SCHIP1: variants seen among roughly 807,000 people sequenced by gnomAD.
SCHIP1 encodes the protein schwannomin interacting protein 1, also known as schwannomin-interacting protein 1.
SCHIP1 carries 8 observed loss-of-function variants against 29.7 expected under a neutral mutation model. That is an observed-to-expected ratio of 0.27 (90% CI 0.16 to 0.49). The LOEUF (loss-of-function observed/expected upper bound fraction) is 0.49. Among genes scored for constraint, SCHIP1 ranks in the 20% least tolerant of loss-of-function variants. The probability of loss-of-function intolerance (pLI) is 0.99; values close to 1 mark genes in which losing one functional copy is unlikely to be tolerated. For missense variants in SCHIP1, 193 were observed against 294.6 expected, an observed-to-expected ratio of 0.66 and a Z score of 2.52; for synonymous variants, 76 against 94.9, an observed-to-expected ratio of 0.80 and a Z score of 1.16.
the SCHIP1 span, among the ~76,000 whole-genome samples, chr3:159,553,419 G>C: frequency 6.7e-6 from 1 of 149,578 alleles, no homozygotes; most frequent in African/African-American, 2.5e-5. Flanking sequence ...GCCAAGAACA[G>C]ATGTTATTGT....
chr3:159,471,403 C>A, the SCHIP1 span, among the ~76,000 whole-genome samples: 5 of 152,070 alleles, frequency 3.3e-5, no homozygotes, highest in African/African-American at 1.2e-4. Flanking sequence ...AGAATACTAA[C>A]TAATGAACAG....
At chr3:159,447,460 G>A in the SCHIP1 span, among the ~76,000 whole-genome samples, 7 of 152,150 alleles carry the variant, frequency 4.6e-5, no homozygotes, top group Non-Finnish European at 8.8e-5. Flanking sequence ...AAAAATACAC[G>A]AGAGTCTGGG....
the SCHIP1 span, among the ~76,000 whole-genome samples, chr3:159,680,783 A>T: frequency 7.8e-6 from 1 of 127,498 alleles, no homozygotes; most frequent in Non-Finnish European, 1.6e-5. Context: ...AAAGTTATTT[A>T]TTACAATAGT....
At chr3:159,400,689 T>C in the SCHIP1 span, among the ~76,000 whole-genome samples, 1 of 152,230 alleles carries the variant, frequency 6.6e-6, no homozygotes, top group African/African-American at 2.4e-5. Context: ...AGCCTCTGAA[T>C]AATTTGGAGT....
At chr3:159,887,378 T>C (rs1299110038) in intron 3 of SCHIP1, 4 of 261,408 alleles carry the variant, frequency 1.5e-5, no homozygotes, top group Non-Finnish European at 3.0e-5. Flanking sequence ...GCAAAGAACC[T>C]ACGTAGGGCC....
the SCHIP1 span, among the ~76,000 whole-genome samples, chr3:159,295,253 T>TA: frequency 0.61 from 40,937 of 66,662 alleles, 14,667 homozygotes; most frequent in Non-Finnish European, 0.75. Flanking sequence ...CTATCTCTAC[T>TA]AAAAAAAAAA....
At chr3:159,436,825 C>T in the SCHIP1 span, among the ~76,000 whole-genome samples, 1 of 152,016 alleles carries the variant, frequency 6.6e-6, no homozygotes, top group Non-Finnish European at 1.5e-5. Context: ...GTCAGTTTGC[C>T]TCCTGGTCTG....
At chr3:159,487,605 C>G in the SCHIP1 span, among the ~76,000 whole-genome samples, 1 of 152,002 alleles carries the variant, frequency 6.6e-6, no homozygotes, top group Non-Finnish European at 1.5e-5. Context: ...TGTGAATGCT[C>G]TATCTGAGAA....
the SCHIP1 span, among the ~76,000 whole-genome samples, chr3:159,579,730 G>A: frequency 6.6e-6 from 1 of 152,094 alleles, no homozygotes; most frequent in Non-Finnish European, 1.5e-5. Flanking sequence ...AATTCAATCT[G>A]GATACCTTAA....
chr3:159,649,120 G>C, the SCHIP1 span, among the ~76,000 whole-genome samples: 2 of 152,190 alleles, frequency 1.3e-5, no homozygotes, highest in Admixed American at 1.3e-4. Context: ...AAAACAAGAG[G>C]TCTGGGCCCT....
the SCHIP1 span, among the ~76,000 whole-genome samples, chr3:159,621,666 T>C: frequency 6.8e-6 from 1 of 147,672 alleles, no homozygotes; most frequent in African/African-American, 2.7e-5. Flanking sequence ...GTTGTTTTTG[T>C]TCTTTGTTTT....
At chr3:159,648,637 C>G in the SCHIP1 span, among the ~76,000 whole-genome samples, 23,780 of 152,088 alleles carry the variant, frequency 0.16, 5,143 homozygotes, top group African/African-American at 0.49. Context: ...CACACACCCC[C>G]AAATCTACTC....
intron 6 of SCHIP1, among the ~76,000 whole-genome samples, chr3:159,895,781 C>T (rs1430085710): frequency 6.6e-6 from 1 of 152,180 alleles, no homozygotes; most frequent in Non-Finnish European, 1.5e-5. Context: ...CTGGAACCTC[C>T]ACCTCCCGGG....
At chr3:159,449,425 G>A in the SCHIP1 span, among the ~76,000 whole-genome samples, 1 of 152,112 alleles carries the variant, frequency 6.6e-6, no homozygotes, top group African/African-American at 2.4e-5. Flanking sequence ...AGACAATAGT[G>A]ATTTAACATG....
intron 4 of SCHIP1, chr3:159,888,160 C>T: frequency 1.9e-6 from 1 of 517,200 alleles, no homozygotes; most frequent in South Asian, 2.3e-5. Context: ...ACAATATTAG[C>T]TGCCACGGGA....
At chr3:159,274,363 A>G in the SCHIP1 span, 2 of 977,446 alleles carry the variant, frequency 2.0e-6, no homozygotes, top group African/African-American at 3.5e-5. Context: ...TCTAATGTCA[A>G]TACATGGGAG....
the SCHIP1 span, among the ~76,000 whole-genome samples, chr3:159,536,129 C>A: frequency 1.3e-5 from 2 of 152,178 alleles, no homozygotes; most frequent in African/African-American, 4.8e-5. Flanking sequence ...AGACATGGAA[C>A]ATTTCCAACA....
the SCHIP1 span, among the ~76,000 whole-genome samples, chr3:159,398,355 G>A: frequency 2.8e-3 from 420 of 152,026 alleles, 2 homozygotes; most frequent in African/African-American, 9.4e-3. Flanking sequence ...CCTCCCCCTC[G>A]CCAGCACTCT....
chr3:159,686,918 T>C, the SCHIP1 span, among the ~76,000 whole-genome samples: 1 of 152,138 alleles, frequency 6.6e-6, no homozygotes, highest in Non-Finnish European at 1.5e-5. Flanking sequence ...GGTCTTCTGT[T>C]CTCTGTTCTG....
Sources: allele counts gnomAD v4.1 joint callset (sites outside exome capture counted in the v4.1 genomes callset), GRCh38; gene constraint gnomAD v4.1.1; transcripts MANE v1.5; gene names NCBI Gene and HGNC (gene_info 2026-07-23, HGNC 2026-07-21).